LUZP2: variants seen among roughly 807,000 people sequenced by gnomAD.
LUZP2 encodes leucine zipper protein 2.
A neutral mutation model predicts 51.6 loss-of-function variants in LUZP2; 52 were observed. The observed-to-expected ratio is 1.01, with a 90% CI of 0.81 to 1.27. The LOEUF (loss-of-function observed/expected upper bound fraction) is 1.27, where lower values mean the gene tolerates loss of function less well. LUZP2 is among the 50% of genes most tolerant of loss of function. The pLI, the probability that LUZP2 is intolerant of heterozygous loss-of-function variation, is 0.00. For synonymous variants in LUZP2, 154 were observed against 137.3 expected (o/e 1.12, Z -0.85); for missense variants, 436 against 395.4 (o/e 1.10, Z -0.87).
intron 4 of LUZP2, among the ~76,000 whole-genome samples, chr11:24,742,065 A>ATATG (rs2133991318): frequency 7.1e-6 from 1 of 141,494 alleles, no homozygotes; most frequent in South Asian, 2.1e-4. Context: ...AATTATATAT[A>ATATG]TATATATATA....
chr11:24,763,491 A>G (rs1424034324), intron 5 of LUZP2, among the ~76,000 whole-genome samples, 183 bp downstream of exon 5: 4 of 152,128 alleles, frequency 2.6e-5, no homozygotes, highest in African/African-American at 9.6e-5. Context: ...ACGTTTATAT[A>G]TATTTGATCA....
At chr11:24,830,881 C>T (rs1397541415) in intron 5 of LUZP2, among the ~76,000 whole-genome samples, 3 of 151,978 alleles carry the variant, frequency 2.0e-5, no homozygotes, top group Admixed American at 6.6e-5. Flanking sequence ...ATAGTCCCAG[C>T]TACTTGGTAG....
At chr11:24,819,884 A>G (rs1212137417) in intron 5 of LUZP2, among the ~76,000 whole-genome samples, 1 of 152,132 alleles carries the variant, frequency 6.6e-6, no homozygotes, top group Non-Finnish European at 1.5e-5. Context: ...TATGAGCAAA[A>G]GACACTAGGC....
intron 7 of LUZP2, among the ~76,000 whole-genome samples, chr11:24,956,734 G>A (rs1325235052): frequency 6.6e-6 from 1 of 152,026 alleles, no homozygotes; most frequent in Non-Finnish European, 1.5e-5. Flanking sequence ...GGGAAGTAGT[G>A]AGAAAAAGAT....
At chr11:24,825,401 T>C (rs1850493169) in intron 5 of LUZP2, among the ~76,000 whole-genome samples, 1 of 152,134 alleles carries the variant, frequency 6.6e-6, no homozygotes, top group African/African-American at 2.4e-5. Flanking sequence ...CTTCCCCATT[T>C]TCCCCTCTTC....
intron 8 of LUZP2, among the ~76,000 whole-genome samples, chr11:24,981,485 A>G (rs1446194): frequency 0.88 from 133,039 of 151,602 alleles, 60,892 homozygotes; most frequent in Non-Finnish European, 1. Flanking sequence ...TTTATCAGAA[A>G]GGTCTTTATG....
At chr11:24,846,172 A>T (rs1396579531) in intron 5 of LUZP2, among the ~76,000 whole-genome samples, 2 of 151,954 alleles carry the variant, frequency 1.3e-5, no homozygotes, top group Non-Finnish European at 2.9e-5. Flanking sequence ...TGTTGATCAT[A>T]TGATGATCAT....
chr11:24,836,382 G>A (rs7129787), intron 5 of LUZP2, among the ~76,000 whole-genome samples: 1,746 of 151,914 alleles, frequency 0.011, 38 homozygotes, highest in African/African-American at 0.039. Context: ...TGAAAATGTA[G>A]TTATTAAAAA....
intron 9 of LUZP2, among the ~76,000 whole-genome samples, chr11:25,028,612 A>T (rs1361555097): frequency 6.6e-6 from 1 of 151,982 alleles, no homozygotes; most frequent in African/African-American, 2.4e-5. Flanking sequence ...TCTATGTACT[A>T]TTTTTAATTA....
chr11:24,704,513 G>A (rs745637512), intron 1 of LUZP2, among the ~76,000 whole-genome samples: 9 of 151,210 alleles, frequency 6.0e-5, no homozygotes, highest in Non-Finnish European at 1.0e-4. Flanking sequence ...ATGTGCCATG[G>A]CATTAATTAG....
At position 25,080,139 on chromosome 11, in the gene LUZP2, T is replaced by C. The variant is rs977599259; in HGVS notation, c.*1481T>C. ...AGGTCCCAACCACAATGGTTCAACTTAACGGTTTTTTCATGATTCTGTGAA... is the reference window on the plus strand; with the variant it reads ...AGGTCCCAACCACAATGGTTCAACTCAACGGTTTTTTCATGATTCTGTGAA... On this transcript the variant is annotated 3_prime_UTR_variant, in exon 12 of 12. Transcript: ENST00000336930. 3 of 152,186 alleles carry C rather than the reference T, an allele frequency of 2.0e-5. No individual in the cohort carries two copies. The highest frequency in any genetic ancestry group is 4.4e-5 in the Non-Finnish European group (3 of 68,024). The allele number at this position is 152,186 out of a possible 1,614,324, so 9.4% of individuals were successfully genotyped here.
chr11:24,572,319 C>T (rs1852470139), intron 1 of LUZP2, among the ~76,000 whole-genome samples: 2 of 152,010 alleles, frequency 1.3e-5, no homozygotes, highest in South Asian at 2.1e-4. Flanking sequence ...CTTTACCAAC[C>T]TTCTTACTAT....
intron 5 of LUZP2, among the ~76,000 whole-genome samples, chr11:24,851,957 T>G (rs553528370): frequency 6.6e-6 from 1 of 152,340 alleles, no homozygotes; most frequent in East Asian, 1.9e-4. Context: ...GTGGGATCAG[T>G]GGTGATATCT....
At chr11:25,000,064 G>T (rs1469667772) in intron 9 of LUZP2, among the ~76,000 whole-genome samples, 7 of 152,090 alleles carry the variant, frequency 4.6e-5, no homozygotes. Context: ...TTTACAGAGT[G>T]CTGATTGGTC....
At chr11:24,856,904 C>T (rs1038030185) in intron 5 of LUZP2, among the ~76,000 whole-genome samples, 1 of 151,816 alleles carries the variant, frequency 6.6e-6, no homozygotes, top group Non-Finnish European at 1.5e-5. Flanking sequence ...TATACATGGA[C>T]ACAGAGTATA....
chr11:24,883,630 T>C (rs1590686314), intron 5 of LUZP2, among the ~76,000 whole-genome samples: 1 of 152,054 alleles, frequency 6.6e-6, no homozygotes, highest in Admixed American at 6.6e-5. Flanking sequence ...CTTCAATTAA[T>C]TCATAAACAA....
At chr11:24,902,152 T>A (rs1204422566) in intron 5 of LUZP2, among the ~76,000 whole-genome samples, 1 of 152,172 alleles carries the variant, frequency 6.6e-6, no homozygotes, top group Non-Finnish European at 1.5e-5. Flanking sequence ...CTAATAATAG[T>A]AATTAGGTTC....
At chr11:24,723,589 G>C (rs1033598838) in intron 1 of LUZP2, among the ~76,000 whole-genome samples, 2 of 152,208 alleles carry the variant, frequency 1.3e-5, no homozygotes, top group Non-Finnish European at 1.5e-5. Context: ...ACTTTGGGAG[G>C]CTGAGGCAGG....
At chr11:24,897,491 G>T (rs1054836059) in intron 5 of LUZP2, among the ~76,000 whole-genome samples, 1 of 151,992 alleles carries the variant, frequency 6.6e-6, no homozygotes, top group Non-Finnish European at 1.5e-5. Flanking sequence ...AACTCTGGAC[G>T]GGAGGAACAA....
Sources: gnomAD v4.1 joint callset for allele counts (sites outside exome capture counted in the v4.1 genomes callset) on GRCh38, gnomAD v4.1.1 for gene constraint, MANE v1.5 for transcripts, NCBI Gene and HGNC (gene_info 2026-07-23, HGNC 2026-07-21) for gene names.